ADARB2: variants seen among roughly 807,000 people sequenced by gnomAD.
ADARB2 encodes adenosine deaminase RNA specific B2 (inactive).
A neutral mutation model predicts 62.2 loss-of-function variants in ADARB2; 25 were observed. The observed-to-expected ratio is 0.40, with a 90% CI of 0.29 to 0.56. ADARB2 has a LOEUF of 0.56. ADARB2 is among the 20% of genes least tolerant of loss of function. The probability of loss-of-function intolerance (pLI) is 0.43; values close to 1 mark genes in which losing one functional copy is unlikely to be tolerated. For missense variants in ADARB2, 1,071 were observed against 1,077.4 expected, an observed-to-expected ratio of 0.99 and a Z score of 0.08; for synonymous variants, 572 against 500.8, an observed-to-expected ratio of 1.14 and a Z score of -1.90.
At chr10:1,427,477 T>C (rs1327694392) in intron 1 of ADARB2, among the ~76,000 whole-genome samples, 1 of 152,254 alleles carries the variant, frequency 6.6e-6, no homozygotes, top group Non-Finnish European at 1.5e-5. Flanking sequence ...GAAAAGATGT[T>C]CAATGTCATT....
intron 7 of ADARB2, among the ~76,000 whole-genome samples, chr10:1,210,637 C>T (rs919056088): frequency 2.0e-5 from 3 of 152,362 alleles, no homozygotes; most frequent in East Asian, 1.9e-4. Flanking sequence ...TCAATCACGT[C>T]GCAGCGATTC....
chr10:1,218,944 G>A (rs905063726), intron 6 of ADARB2, among the ~76,000 whole-genome samples: 23 of 151,866 alleles, frequency 1.5e-4, no homozygotes, highest in African/African-American at 5.6e-4. Context: ...CAGCTACTCG[G>A]GAGGCTGAGG....
chr10:1,435,193 GTGGTGC>G (rs1564288236), intron 1 of ADARB2, among the ~76,000 whole-genome samples: 1 of 152,178 alleles, frequency 6.6e-6, no homozygotes, highest in Non-Finnish European at 1.5e-5. Flanking sequence ...TACGGGGAAG[GTGGTGC>G]TGGCTGGGGG....
chr10:1,561,903 C>G (rs986629527), intron 1 of ADARB2, among the ~76,000 whole-genome samples: 1 of 152,358 alleles, frequency 6.6e-6, no homozygotes, highest in Admixed American at 6.5e-5. Flanking sequence ...CCAGGATTGC[C>G]ACATCGTGTC....
At chr10:1,561,321 A>C (rs534839479) in intron 1 of ADARB2, among the ~76,000 whole-genome samples, 13 of 152,302 alleles carry the variant, frequency 8.5e-5, no homozygotes, top group African/African-American at 2.9e-4. Context: ...CTTGTGCTTC[A>C]AATGCAAGGT....
chr10:1,406,277 A>C (rs1443801578), intron 1 of ADARB2, among the ~76,000 whole-genome samples: 2 of 152,138 alleles, frequency 1.3e-5, no homozygotes, highest in Non-Finnish European at 2.9e-5. Flanking sequence ...GGCCCTCCCC[A>C]GGGGCTCAGG....
intron 1 of ADARB2, among the ~76,000 whole-genome samples, chr10:1,408,665 C>T (rs1288044672): frequency 6.6e-6 from 1 of 152,168 alleles, no homozygotes; most frequent in East Asian, 1.9e-4. Context: ...ATGGCTTTGA[C>T]CTGTCCTTGT....
Position 1,649,277 on chromosome 10 carries a change from G to A in ADARB2, c.100+87774C>T, listed in dbSNP as rs569097325. On this transcript the variant is annotated intron_variant, in intron 1 of 9. Coordinates refer to ENST00000381312, the MANE Select transcript of ADARB2 (RefSeq NM_018702.4). ...ATGTACTTGTACTTGGTTTGAAATC[G>A]TATCATAAATTGGAATCAGGGAATT... Among the ~76,000 whole-genome samples the A allele has an allele frequency of 5.3e-5, 8 of 152,264 alleles. No individual in the cohort carries two copies. In the South Asian group the frequency reaches 8.3e-4, roughly 16 times the overall value.
At chr10:1,208,290 A>G (rs534700846) in intron 7 of ADARB2, among the ~76,000 whole-genome samples, 1 of 152,340 alleles carries the variant, frequency 6.6e-6, no homozygotes, top group Admixed American at 6.5e-5. Flanking sequence ...GGCTTGAAAC[A>G]GGGATGTTCC....
intron 1 of ADARB2, among the ~76,000 whole-genome samples, chr10:1,672,495 C>G (rs915175001): frequency 2.0e-5 from 3 of 152,184 alleles, no homozygotes; most frequent in Non-Finnish European, 4.4e-5. Context: ...TGACGGATGC[C>G]GCCTCCAGGC....
At chr10:1,537,555 A>C (rs1210822210) in intron 1 of ADARB2, among the ~76,000 whole-genome samples, 1 of 152,238 alleles carries the variant, frequency 6.6e-6, no homozygotes, top group Non-Finnish European at 1.5e-5. Context: ...AAGACTTAGA[A>C]CCAACCCAAA....
At chr10:1,651,955 G>A (rs997271054) in intron 1 of ADARB2, among the ~76,000 whole-genome samples, 2 of 152,080 alleles carry the variant, frequency 1.3e-5, no homozygotes, top group Admixed American at 1.3e-4. Flanking sequence ...ATCAGTTCTT[G>A]AGAAAAACGA....
intron 1 of ADARB2, among the ~76,000 whole-genome samples, chr10:1,500,916 CCAG>C (rs1229742067): frequency 6.6e-6 from 1 of 152,084 alleles, no homozygotes; most frequent in Non-Finnish European, 1.5e-5. Context: ...GCTCTGTCTC[CCAG>C]CCTGGAGTGC....
intron 1 of ADARB2, among the ~76,000 whole-genome samples, chr10:1,461,521 T>A (rs1344478663): frequency 7.4e-4 from 113 of 152,298 alleles, no homozygotes; most frequent in Middle Eastern, 3.4e-3. Flanking sequence ...TATATTTTTT[T>A]TTTTAAAGAA....
intron 1 of ADARB2, among the ~76,000 whole-genome samples, chr10:1,534,142 T>TC (rs1832291323): frequency 6.6e-6 from 1 of 150,792 alleles, no homozygotes; most frequent in African/African-American, 2.4e-5. Flanking sequence ...AAATAGTTTT[T>TC]TTTTTTTTTT....
Position 1,242,172 on chromosome 10 carries a change from C to G in ADARB2, c.1320G>C (p.Ala440=). ...DCHAEVVARR[A]FLHFLYTQLE... ...GCTGCGTGTAGAGGAAGTGCAGGAA[C>G]GCCCGCCGGGCCACGACCTCCGCGT... The change falls in exon 5 of 10, where the codon GCG becomes GCC. Residue 440 remains alanine (A), a synonymous_variant. Coordinates refer to ENST00000381312, the MANE Select transcript of ADARB2 (RefSeq NM_018702.4). 3 of 1,610,516 alleles carry G rather than the reference C, an allele frequency of 1.9e-6. No homozygotes were observed. The highest frequency in any genetic ancestry group is 2.5e-6 in the Non-Finnish European group (3 of 1,179,602).
At chr10:1,654,100 T>C (rs1201724242) in intron 1 of ADARB2, among the ~76,000 whole-genome samples, 1 of 152,122 alleles carries the variant, frequency 6.6e-6, no homozygotes, top group Non-Finnish European at 1.5e-5. Flanking sequence ...CCACGCCTGC[T>C]CCTTCCCCAT....
intron 7 of ADARB2, among the ~76,000 whole-genome samples, chr10:1,203,955 A>C (rs1379505698): frequency 6.6e-6 from 1 of 152,148 alleles, no homozygotes; most frequent in African/African-American, 2.4e-5. Context: ...GCAAGTTCTA[A>C]GGAGGCTCCA....
At chr10:1,422,960 G>T (rs576543108) in intron 1 of ADARB2, among the ~76,000 whole-genome samples, 47 of 152,268 alleles carry the variant, frequency 3.1e-4, no homozygotes, top group South Asian at 2.3e-3. Flanking sequence ...GCACCCACCT[G>T]TCTGGTTCTT....
Sources: gnomAD v4.1 joint callset for allele counts (sites outside exome capture counted in the v4.1 genomes callset) on GRCh38, gnomAD v4.1.1 for gene constraint, MANE v1.5 for transcripts, NCBI Gene and HGNC (gene_info 2026-07-23, HGNC 2026-07-21) for gene names.